The following PPM1K variants were observed in gnomAD, a reference collection of about 807,000 sequenced individuals.
PPM1K encodes protein phosphatase Mn(2+)-dependent 1K.
A neutral mutation model predicts 32.6 loss-of-function variants in PPM1K; 19 were observed. The observed-to-expected ratio is 0.58, with a 90% confidence interval of 0.41 to 0.86. The LOEUF (loss-of-function observed/expected upper bound fraction) is 0.86. Among genes scored for constraint, PPM1K ranks in the 40% least tolerant of loss-of-function variants. The pLI, the probability that PPM1K is intolerant of heterozygous loss-of-function variation, is 0.00. For synonymous variants in PPM1K, 159 were observed against 165.3 expected (o/e 0.96, Z 0.29); for missense variants, 362 against 461.2 (o/e 0.78, Z 1.97).
intron 1 of PPM1K, among the ~76,000 whole-genome samples, chr4:88,283,360 C>G (rs962731139): frequency 2.0e-5 from 3 of 152,262 alleles, no homozygotes; most frequent in Non-Finnish European, 4.4e-5. Context: ...CCGCTTTGGC[C>G]TTCCAAAGTG....
chr4:88,268,298 A>G lies in PPM1K; in HGVS notation c.744T>C (p.Ser248=), dbSNP rs1419627663. 1 of 1,614,186 alleles carries G rather than the reference A, an allele frequency of 6.2e-7. No individual in the cohort carries two copies. The highest frequency in any genetic ancestry group is 1.1e-5 in the South Asian group (1 of 91,080). ...KKCGGFVAWN[S]LGQPHVNGRL... is the part of the protein sequence containing the mutation. The stretch of plus-strand genomic sequence containing the variant: ...TGCCATTTACGTGAGGCTGCCCCAA[A>G]CTATTCCAAGCTACAAAACCACCAC... The change falls in exon 5 of 7, where the codon AGT becomes AGC. Residue 248 remains serine (S), a synonymous_variant. Coordinates refer to ENST00000608933, the MANE Select transcript of PPM1K (RefSeq NM_152542.5).
intron 3 of PPM1K, chr4:88,276,326 G>A (rs1460169792): frequency 1.0e-6 from 1 of 985,214 alleles, no homozygotes; most frequent in Non-Finnish European, 1.2e-6. Context: ...ATTATTGCAT[G>A]ATTCATTTTC....
chr4:88,267,412 T>C (rs560613047), intron 5 of PPM1K, among the ~76,000 whole-genome samples: 7 of 151,736 alleles, frequency 4.6e-5, no homozygotes, highest in Non-Finnish European at 7.4e-5. Context: ...TGCTGCATGA[T>C]TGAGTGCAGG....
At chr4:88,275,986 G>A (rs943778796) in intron 3 of PPM1K, 27 of 985,270 alleles carry the variant, frequency 2.7e-5, no homozygotes, top group Admixed American at 6.1e-5. Flanking sequence ...TATCCCTGAA[G>A]AGAGTGGACT....
chr4:88,263,069 G>A (rs1199418246), intron 6 of PPM1K, among the ~76,000 whole-genome samples: 1 of 152,194 alleles, frequency 6.6e-6, no homozygotes, highest in Non-Finnish European at 1.5e-5. Context: ...AGCGTAGGGA[G>A]TAACACACGG....
At position 88,278,008 on chromosome 4, in the gene PPM1K, T is replaced by G; in HGVS notation, c.440+136A>C. On this transcript the variant is annotated intron_variant, in intron 2 of 6. Transcript: ENST00000608933. The surrounding 1 kb of genome is among the most constrained non-coding windows in gnomAD (Gnocchi z 4.2). ...TAAGTAATAAATGGCACACTTAAAC[T>G]ACTGCTCATTCGTGAAGCAGCAGCA... The G allele has an allele frequency of 1.5e-6, 1 of 683,990 alleles. No homozygotes were observed. The highest frequency in any genetic ancestry group is 1.9e-5 in the South Asian group (1 of 51,906). 42.4% of individuals were successfully genotyped at this position (683,990 alleles called of 1,614,324 possible).
chr4:88,282,307 G>A (rs1732046744), intron 1 of PPM1K, among the ~76,000 whole-genome samples: 1 of 152,176 alleles, frequency 6.6e-6, no homozygotes, highest in Middle Eastern at 3.2e-3. Flanking sequence ...GGTCAAAAGG[G>A]CAGTTTAAGC....
rs904656889 is a variant in PPM1K at position 88,259,374 on chromosome 4, G to A, written c.*3221C>T. 5.3e-5 allele frequency: 8 copies of A among 152,120 alleles called. No individual in the cohort carries two copies. The highest frequency in any genetic ancestry group is 1.4e-4 in the African/African-American group (6 of 41,436). The allele number at this position is 152,120 out of a possible 1,614,324, so 9.4% of individuals were successfully genotyped here. ...AAGTACTTAAGAACTTATACTTGTG[G>A]AAAATCACAATGACAATGAATATTT... is the stretch of plus-strand genomic sequence containing the variant. On this transcript the variant is annotated 3_prime_UTR_variant, in exon 7 of 7. Coordinates refer to ENST00000608933, the MANE Select transcript of PPM1K (RefSeq NM_152542.5).
Position 88,268,184 on chromosome 4 carries a change from T to G in PPM1K, c.852+6A>C. 1.2e-6 allele frequency: 2 copies of G among 1,614,002 alleles called. No individual in the cohort carries two copies. The highest frequency in any genetic ancestry group is 1.7e-6 in the Non-Finnish European group (2 of 1,179,890). ...GTTTATCAAGTGTTTGCAGGTCCTTTCTTACCTTAATCCTCTTAGTTTCAG... is the reference window on the plus strand; with the variant it reads ...GTTTATCAAGTGTTTGCAGGTCCTTGCTTACCTTAATCCTCTTAGTTTCAG... On this transcript the variant is annotated splice_donor_region_variant and intron_variant, in intron 5 of 6. Transcript: ENST00000608933.
intron 5 of PPM1K, among the ~76,000 whole-genome samples, chr4:88,267,440 G>C (rs1279135204): frequency 6.6e-6 from 1 of 152,178 alleles, no homozygotes; most frequent in African/African-American, 2.4e-5. Flanking sequence ...GGCTGATTGG[G>C]TGCAGGTGAG....
At chr4:88,274,572 GCACT>G (rs1469585222) in intron 3 of PPM1K, among the ~76,000 whole-genome samples, 2 of 152,218 alleles carry the variant, frequency 1.3e-5, no homozygotes, top group East Asian at 3.9e-4. Flanking sequence ...AGGGTAAACT[GCACT>G]TACTACAAAA....
intron 3 of PPM1K, chr4:88,275,914 A>G (rs1396431763): frequency 3.0e-6 from 3 of 985,480 alleles, no homozygotes; most frequent in Non-Finnish European, 3.6e-6. Context: ...AAGGAAAAAG[A>G]AAAATTCCAA....
chr4:88,260,896 T>C lies in PPM1K; in HGVS notation c.*1699A>G, dbSNP rs904991281. On this transcript the variant is annotated 3_prime_UTR_variant, in exon 7 of 7. Transcript: ENST00000608933. ...CACATCCTATTACTTTATATACAAA[T>C]TGCCATATAGCAATTTTTAACCTAT... 2.6e-5 allele frequency: 4 copies of C among 152,180 alleles called. No homozygotes were observed. Among genetic ancestry groups the C allele is most frequent in the Non-Finnish European group, 5.9e-5 (4 of 68,016 alleles). 9.4% of individuals were successfully genotyped at this position (152,180 alleles called of 1,614,324 possible).
intron 1 of PPM1K, among the ~76,000 whole-genome samples, chr4:88,282,716 T>A: frequency 6.6e-6 from 1 of 152,238 alleles, no homozygotes. Context: ...AATATGTCTA[T>A]GTTCAGATGT....
rs1407568550 is a variant in PPM1K at position 88,259,329 on chromosome 4, C to T, written c.*3266G>A. On this transcript the variant is annotated 3_prime_UTR_variant, in exon 7 of 7. Transcript: ENST00000608933. ...GAACAGCTGATGGAGAACAGGACAG[C>T]ATTTACTTCTGAATCTATAAAGTAC... 1 of 151,368 alleles carries T rather than the reference C, an allele frequency of 6.6e-6. No individual in the cohort carries two copies. Among genetic ancestry groups the T allele is most frequent in the Non-Finnish European group, 1.5e-5 (1 of 67,904 alleles). 9.4% of individuals were successfully genotyped at this position (151,368 alleles called of 1,614,324 possible). A position where few individuals can be genotyped will look rare whatever the true frequency, so the allele number is the denominator to read the frequency against.
chr4:88,275,961 A>G (rs1041854285), intron 3 of PPM1K: 1 of 985,438 alleles, frequency 1.0e-6, no homozygotes, highest in Non-Finnish European at 1.2e-6. Context: ...TAAATGATCT[A>G]CAAACTGGAA....
At chr4:88,284,269 G>C (rs1245625316) in intron 1 of PPM1K, 137 bp downstream of exon 1, 1 of 152,370 alleles carries the variant, frequency 6.6e-6, no homozygotes, top group African/African-American at 2.4e-5. Flanking sequence ...CTCGGGGGGC[G>C]GGGGAACGGA....
intron 4 of PPM1K, 145 bp from the exon 5 acceptor site, chr4:88,268,479 A>C (rs547187879): frequency 1.0e-6 from 1 of 957,934 alleles, no homozygotes; most frequent in Non-Finnish European, 1.6e-6. Flanking sequence ...AAATTAGCCG[A>C]GCGTGTTGGC....
At chr4:88,277,090 T>A in intron 3 of PPM1K, 53 bp downstream of exon 3, 1 of 1,354,884 alleles carries the variant, frequency 7.4e-7, no homozygotes. Flanking sequence ...TTTTTACTCC[T>A]CCCCCACCCC....
Sources: gnomAD v4.1 joint callset for allele counts (sites outside exome capture counted in the v4.1 genomes callset) on GRCh38, gnomAD v4.1.1 for gene constraint, Gnocchi (gnomAD v3.1) non-coding constraint, MANE v1.5 for transcripts, NCBI Gene and HGNC (gene_info 2026-07-23, HGNC 2026-07-21) for gene names.